USH2A: variants seen among roughly 807,000 people sequenced by gnomAD.
The protein encoded by USH2A is usherin.
In USH2A, 443 loss-of-function variants were observed where a neutral mutation model predicts 538.9. The ratio of observed to expected loss-of-function variants is 0.82; its 90% CI spans 0.76 to 0.89. The LOEUF is 0.89. Among genes scored for constraint, USH2A ranks in the 40% least tolerant of loss-of-function variants. The pLI is 0.00. For synonymous variants in USH2A, 2,413 were observed against 2,273.5 expected (o/e 1.06, Z -1.75); for missense variants, 6,633 against 6,324.8 (o/e 1.05, Z -1.65).
chr1:216,076,886 G>T lies in USH2A; in HGVS notation c.5572+1203C>A, dbSNP rs373913564. Among the ~76,000 whole-genome samples the T allele has an allele frequency of 2.0e-5, 3 of 152,188 alleles. No individual in the cohort carries two copies. The South Asian group carries it at 6.2e-4, about 32-fold the overall frequency. On this transcript the variant is annotated intron_variant, in intron 27 of 71. Transcript: ENST00000307340. ...AAAGGACCTTTTTCACACGTGGGAG[G>T]GTGCTTGGTCCTATGCTGGAAGTTA...
At chr1:215,960,378 A>G (rs181253614) in intron 37 of USH2A, among the ~76,000 whole-genome samples, 60 of 152,272 alleles carry the variant, frequency 3.9e-4, no homozygotes, top group Non-Finnish European at 7.4e-5. Context: ...TATATTCAAT[A>G]TGTTTCACAA....
intron 58 of USH2A, among the ~76,000 whole-genome samples, chr1:215,747,555 A>T (rs1170702372): frequency 6.6e-6 from 1 of 152,154 alleles, no homozygotes; most frequent in Non-Finnish European, 1.5e-5. Context: ...GATGAGAAAA[A>T]TTTAAGTACT....
intron 9 of USH2A, among the ~76,000 whole-genome samples, chr1:216,317,177 G>A (rs1013208855): frequency 6.6e-5 from 10 of 152,074 alleles, no homozygotes; most frequent in African/African-American, 2.4e-4. Flanking sequence ...AGATCTAGAG[G>A]CAGAAATACC....
chr1:216,366,032 C>T (rs1370820691), intron 3 of USH2A, among the ~76,000 whole-genome samples: 1 of 152,142 alleles, frequency 6.6e-6, no homozygotes, highest in Non-Finnish European at 1.5e-5. Context: ...TAATTGCATA[C>T]ACTTCTAAAT....
Position 216,197,254 on chromosome 1 carries a change from C to T in USH2A, c.4082-532G>A, listed in dbSNP as rs148714170. On this transcript the variant is annotated intron_variant, in intron 18 of 71. Transcript: ENST00000307340. ...AATTTTTCTTGAAATGTTCAGGTTA[C>T]ATACACATGCATTTCCCTTTCCCCC... 4.9e-3 allele frequency among the ~76,000 whole-genome samples: 742 copies of T among 152,228 alleles called. 9 individuals carry two copies. Among genetic ancestry groups the T allele is most frequent in the African/African-American group, 0.017 (702 of 41,548 alleles).
In USH2A at chr1:216,190,284, A is replaced by G. The variant is rs397518016; in HGVS notation, c.4335T>C (p.Thr1445=). The part of the protein sequence containing the change: ...KPYRIYEFTI[T]LCNSVGCVTS... ...TCACACAACCAACTGAATTGCAGAG[A>G]GTAATAGTAAACTCATATATCCTAT... Residue 1445 remains threonine (T), a synonymous_variant, in exon 20 of 72, where the codon ACT becomes ACC. Coordinates refer to ENST00000307340, the MANE Select transcript of USH2A (RefSeq NM_206933.4). 168 of 1,612,542 alleles carry G rather than the reference A, an allele frequency of 1.0e-4. No individual in the cohort carries two copies. The Admixed American group carries it at 2.5e-3, about 24-fold the overall frequency.
In USH2A at chr1:216,070,218, G is replaced by A. The variant is rs75698489; in HGVS notation, c.5932C>T (p.Pro1978Ser). ...GYSIEVTWDE[P>S]VVRGVIEKYI... is the part of the protein sequence containing the mutation. ...TTCTCAATTACACCTCTGACAACAG[G>A]TTCATCCCAGGTCACCTCAATGCTG... The change falls in exon 30 of 72, where the codon CCT (proline) becomes TCT (serine). Residue 1978 changes from proline to serine, a missense_variant. Coordinates refer to ENST00000307340, the MANE Select transcript of USH2A (RefSeq NM_206933.4). The A allele has an allele frequency of 3.1e-4, 504 of 1,613,916 alleles. 1 individual carries two copies. In the African/African-American group the frequency reaches 6.1e-3, roughly 19 times the overall value.
At chr1:216,033,936 G>A (rs537705953) in intron 32 of USH2A, among the ~76,000 whole-genome samples, 2 of 152,210 alleles carry the variant, frequency 1.3e-5, no homozygotes, top group South Asian at 4.1e-4. Flanking sequence ...AATGAATAGT[G>A]TTACTTTTCC....
chr1:215,778,939 A>G (rs745446569), intron 55 of USH2A, among the ~76,000 whole-genome samples: 40 of 152,184 alleles, frequency 2.6e-4, no homozygotes, highest in Non-Finnish European at 3.4e-4. Flanking sequence ...AGTGCTTAGG[A>G]CAGCGTCTGG....
intron 4 of USH2A, among the ~76,000 whole-genome samples, chr1:216,355,707 G>C (rs1172114621): frequency 1.3e-5 from 2 of 152,044 alleles, no homozygotes; most frequent in Non-Finnish European, 2.9e-5. Flanking sequence ...TAAAAAGAGA[G>C]AGAAATTATT....
chr1:216,050,560 T>TTTTCTTTCTTTCTTTCTTTCTTTC (rs67191347), intron 30 of USH2A, among the ~76,000 whole-genome samples: 402 of 35,676 alleles, frequency 0.011, 31 homozygotes, highest in African/African-American at 0.015. Context: ...ATTTGTATCT[T>TTTTCTTTCTTTCTTTCTTTCTTTC]TTTCTTTCTT....
chr1:215,845,675 C>T, intron 45 of USH2A, 149 bp downstream of exon 45: 1 of 758,132 alleles, frequency 1.3e-6, no homozygotes, highest in Non-Finnish European at 2.3e-6. Flanking sequence ...CTACTGATGA[C>T]AGTGAGCACT....
intron 21 of USH2A, among the ~76,000 whole-genome samples, chr1:216,129,739 GA>G (rs2033330331): frequency 6.6e-6 from 1 of 151,742 alleles, no homozygotes; most frequent in Non-Finnish European, 1.5e-5. Context: ...GAAAGACCTA[GA>G]ACAGTCCAAG....
Position 216,076,243 on chromosome 1 carries a change from C to T in USH2A, c.5572+1846G>A, listed in dbSNP as rs116376396. 2.2e-3 allele frequency among the ~76,000 whole-genome samples: 336 copies of T among 152,120 alleles called. 2 individuals carry two copies. Among genetic ancestry groups the T allele is most frequent in the African/African-American group, 7.5e-3 (311 of 41,496 alleles). On this transcript the variant is annotated intron_variant, in intron 27 of 71. Coordinates refer to ENST00000307340, the MANE Select transcript of USH2A (RefSeq NM_206933.4). ...TGACTTCTACGTTCCAGCTACCATA[C>T]GTCAATATTTTTTCAGTGTTTTGAG...
intron 4 of USH2A, among the ~76,000 whole-genome samples, chr1:216,346,415 G>A (rs529966782): frequency 6.6e-5 from 10 of 152,124 alleles, no homozygotes; most frequent in South Asian, 2.1e-4. Context: ...CTTGTGTTTC[G>A]CATTGCGTTA....
intron 37 of USH2A, among the ~76,000 whole-genome samples, chr1:215,936,980 T>C (rs999777369): frequency 8.5e-5 from 13 of 152,108 alleles, no homozygotes; most frequent in Non-Finnish European, 1.6e-4. Flanking sequence ...AAAAGATACT[T>C]ATAACCATTT....
Position 216,097,219 on chromosome 1 carries a change from A to C in USH2A, c.4628-6T>G. On this transcript the variant is annotated splice_region_variant and splice_polypyrimidine_tract_variant and intron_variant, in intron 21 of 71. Coordinates refer to ENST00000307340, the MANE Select transcript of USH2A (RefSeq NM_206933.4). The stretch of plus-strand genomic sequence containing the variant: ...TCGAAAGCTGGCCTTAATGCCTGGT[A>C]AGACAAGTGTGATCAGCAAATCAGT... 1 of 1,614,158 alleles carries C rather than the reference A, an allele frequency of 6.2e-7. No individual in the cohort carries two copies. Among genetic ancestry groups the C allele is most frequent in the Non-Finnish European group, 8.5e-7 (1 of 1,180,002 alleles).
intron 21 of USH2A, among the ~76,000 whole-genome samples, chr1:216,125,660 T>C (rs1558271647): frequency 6.6e-6 from 1 of 152,184 alleles, no homozygotes; most frequent in Admixed American, 6.5e-5. Flanking sequence ...AGTATTTTTT[T>C]AGTGGTTCCA....
intron 14 of USH2A, among the ~76,000 whole-genome samples, chr1:216,219,599 G>A (rs1462592321): frequency 1.3e-5 from 2 of 152,142 alleles, no homozygotes; most frequent in Middle Eastern, 3.4e-3. Context: ...GACATTTTAA[G>A]CTTAGAAAGA....
Sources: gnomAD v4.1 joint callset for allele counts (sites outside exome capture counted in the v4.1 genomes callset) on GRCh38, gnomAD v4.1.1 for gene constraint, MANE v1.5 for transcripts, NCBI Gene and HGNC (gene_info 2026-07-23, HGNC 2026-07-21) for gene names.